Variants in PITPNC1 observed in about 807,000 individuals in gnomAD.
PITPNC1 encodes phosphatidylinositol transfer protein cytoplasmic 1.
A neutral mutation model predicts 44.7 loss-of-function variants in PITPNC1; 18 were observed. That is an observed-to-expected ratio of 0.40 (90% CI 0.28 to 0.60). The LOEUF (loss-of-function observed/expected upper bound fraction) is 0.60. PITPNC1 is among the 20% of genes least tolerant of loss of function. PITPNC1 has a pLI of 0.39. For missense variants in PITPNC1, 290 were observed against 418.4 expected (o/e 0.69, Z 2.68); for synonymous variants, 141 against 149.6 (o/e 0.94, Z 0.42).
chr17:67,495,448 G>A (rs1007981794), intron 1 of PITPNC1, among the ~76,000 whole-genome samples: 1 of 152,010 alleles, frequency 6.6e-6, no homozygotes, highest in East Asian at 1.9e-4. Flanking sequence ...CTCATGTCAT[G>A]GGGGTTTGTT....
chr17:67,461,170 C>T (rs972960834), intron 1 of PITPNC1, among the ~76,000 whole-genome samples: 2 of 152,220 alleles, frequency 1.3e-5, no homozygotes, highest in Non-Finnish European at 2.9e-5. Flanking sequence ...CCTGCTTCTT[C>T]TCTGCTACCA....
chr17:67,378,611 C>T (rs1042173639), intron 1 of PITPNC1, among the ~76,000 whole-genome samples: 1 of 152,140 alleles, frequency 6.6e-6, no homozygotes, highest in Non-Finnish European at 1.5e-5. Context: ...CCTCTGCGGT[C>T]AGGTAGGGGT....
intron 1 of PITPNC1, among the ~76,000 whole-genome samples, chr17:67,524,210 TGGCGG>T (rs2040366698): frequency 6.6e-6 from 1 of 152,092 alleles, no homozygotes; most frequent in Non-Finnish European, 1.5e-5. Flanking sequence ...TGTGAGGCTG[TGGCGG>T]GAGGATGGCT....
At chr17:67,503,298 T>C (rs1379485104) in intron 1 of PITPNC1, among the ~76,000 whole-genome samples, 1 of 151,392 alleles carries the variant, frequency 6.6e-6, no homozygotes, top group Non-Finnish European at 1.5e-5. Context: ...GGGTAAAAGG[T>C]GGTAGGAACT....
intron 1 of PITPNC1, among the ~76,000 whole-genome samples, chr17:67,460,603 C>T (rs564044737): frequency 9.9e-5 from 15 of 151,288 alleles, no homozygotes; most frequent in Non-Finnish European, 1.9e-4. Context: ...TTAGTAGAGA[C>T]AGGGTTTCAC....
chr17:67,661,601 C>T (rs1057499422), intron 6 of PITPNC1, among the ~76,000 whole-genome samples: 7 of 152,172 alleles, frequency 4.6e-5, no homozygotes, highest in Non-Finnish European at 8.8e-5. Context: ...ACATGCCCCT[C>T]CTACACCCCC....
intron 1 of PITPNC1, among the ~76,000 whole-genome samples, chr17:67,382,884 C>T (rs577385128): frequency 6.7e-6 from 1 of 150,328 alleles, no homozygotes; most frequent in South Asian, 2.1e-4. Context: ...CTTTGGGCTC[C>T]CAAAGTGCTG....
chr17:67,679,408 G>A (rs1411820614), intron 8 of PITPNC1, among the ~76,000 whole-genome samples: 1 of 152,232 alleles, frequency 6.6e-6, no homozygotes, highest in Non-Finnish European at 1.5e-5. Context: ...GGTGCTCTGG[G>A]CTTAGGGCTG....
intron 1 of PITPNC1, among the ~76,000 whole-genome samples, chr17:67,513,120 T>C (rs182700698): frequency 7.9e-4 from 120 of 152,174 alleles, no homozygotes; most frequent in African/African-American, 2.7e-3. Context: ...TCCCAGCACT[T>C]AGGGAGGCCG....
intron 1 of PITPNC1, among the ~76,000 whole-genome samples, chr17:67,381,307 G>C (rs1287115467): frequency 1.6e-5 from 2 of 126,452 alleles, no homozygotes; most frequent in African/African-American, 3.0e-5. Context: ...CAGCCTGGGC[G>C]ACAGAACAAG....
chr17:67,642,970 G>A (rs1345666929), intron 6 of PITPNC1, among the ~76,000 whole-genome samples: 3 of 152,206 alleles, frequency 2.0e-5, no homozygotes, highest in African/African-American at 7.2e-5. Context: ...ATTTGGTAGT[G>A]AAATGCCAGA....
intron 1 of PITPNC1, among the ~76,000 whole-genome samples, chr17:67,407,178 T>G (rs1364382341): frequency 1.3e-5 from 2 of 152,208 alleles, no homozygotes; most frequent in African/African-American, 4.8e-5. Context: ...GCACTGTACT[T>G]TCTGTCTTTT....
At chr17:67,690,689 T>C (rs1408851825) in intron 8 of PITPNC1, among the ~76,000 whole-genome samples, 1 of 152,114 alleles carries the variant, frequency 6.6e-6, no homozygotes, top group Non-Finnish European at 1.5e-5. Flanking sequence ...TGCATTTTGC[T>C]CCAGGATAAG....
At chr17:67,624,214 C>CTTTTTTTTTTTTTTTTTTTTTT in intron 5 of PITPNC1, among the ~76,000 whole-genome samples, 1 of 127,126 alleles carries the variant, frequency 7.9e-6, no homozygotes, top group Non-Finnish European at 1.6e-5. Context: ...TCTTTCTTTT[C>CTTTTTTTTTTTTTTTTTTTTTT]TTTTTTTTTT....
chr17:67,646,468 C>A (rs372715833), intron 6 of PITPNC1, among the ~76,000 whole-genome samples: 1 of 152,180 alleles, frequency 6.6e-6, no homozygotes, highest in Non-Finnish European at 1.5e-5. Flanking sequence ...GAATTTTCAA[C>A]GAAAATTTCT....
chr17:67,497,803 C>G (rs573767653), intron 1 of PITPNC1, among the ~76,000 whole-genome samples: 1 of 151,628 alleles, frequency 6.6e-6, no homozygotes, highest in Non-Finnish European at 1.5e-5. Context: ...GCTGGGATTA[C>G]AAGCGTGAGC....
chr17:67,566,696 G>A (rs1043327312), intron 4 of PITPNC1, among the ~76,000 whole-genome samples: 1 of 152,062 alleles, frequency 6.6e-6, no homozygotes, highest in Admixed American at 6.5e-5. Flanking sequence ...TCCTGATTTG[G>A]GTTTGTTTGA....
intron 6 of PITPNC1, chr17:67,638,064 A>T (rs568613881): frequency 1.3e-5 from 2 of 152,238 alleles, no homozygotes; most frequent in Non-Finnish European, 2.9e-5. Context: ...TGGACTGGTT[A>T]TGTGGCTGAT....
intron 1 of PITPNC1, among the ~76,000 whole-genome samples, chr17:67,478,758 G>A (rs989637157): frequency 6.6e-6 from 1 of 152,070 alleles, no homozygotes; most frequent in African/African-American, 2.4e-5. Flanking sequence ...TGGGGAGACT[G>A]GAGCGCTAAT....
Sources: allele counts gnomAD v4.1 joint callset (sites outside exome capture counted in the v4.1 genomes callset), GRCh38; gene constraint gnomAD v4.1.1; transcripts MANE v1.5; gene names NCBI Gene and HGNC (gene_info 2026-07-23, HGNC 2026-07-21).